The following PLCH1 variants were observed in gnomAD, a reference collection of about 807,000 sequenced individuals.
PLCH1 encodes the protein phospholipase C eta 1.
PLCH1 carries 60 observed loss-of-function variants against 126.7 expected under a neutral mutation model. That is an observed-to-expected ratio of 0.47 (90% CI 0.38 to 0.59). The LOEUF (loss-of-function observed/expected upper bound fraction) is 0.59. Ranked by LOEUF, PLCH1 falls within the 20% of genes least tolerant of loss-of-function variation. The pLI, the probability that PLCH1 is intolerant of heterozygous loss-of-function variation, is 0.00. For missense variants in PLCH1, 1,723 were observed against 2,040.0 expected (o/e 0.84, Z 2.99); for synonymous variants, 719 against 734.9 (o/e 0.98, Z 0.35).
At chr3:155,704,958 T>C (rs1746548282) in intron 1 of PLCH1, among the ~76,000 whole-genome samples, 1 of 152,108 alleles carries the variant, frequency 6.6e-6, no homozygotes, top group African/African-American at 2.4e-5. Flanking sequence ...AAAGCAGAGA[T>C]CTGAGTCGAT....
chr3:155,576,763 C>T lies in PLCH1; in HGVS notation c.771+6709G>A, dbSNP rs1050352148. Among the ~76,000 whole-genome samples the T allele has an allele frequency of 6.6e-5, 10 of 152,132 alleles. No homozygotes were observed. The South Asian group carries it at 8.3e-4, about 13-fold the overall frequency. ...AAAACCCCACGAAACTCTTGACTAA[C>T]GACTCTTTCTACACAGTTAGATTGT... is the stretch of plus-strand genomic sequence containing the variant. On this transcript the variant is annotated intron_variant, in intron 6 of 22. Coordinates refer to ENST00000460012, the MANE Select transcript of PLCH1 (RefSeq NM_014996.4).
chr3:155,714,094 A>G (rs1747339637), intron 1 of PLCH1, among the ~76,000 whole-genome samples: 1 of 152,238 alleles, frequency 6.6e-6, no homozygotes, highest in Non-Finnish European at 1.5e-5. Context: ...ATAGAAAAAC[A>G]GGTCTCAAAA....
chr3:155,451,233 A>G (rs1233565436), intron 21 of PLCH1, among the ~76,000 whole-genome samples: 1 of 152,218 alleles, frequency 6.6e-6, no homozygotes, highest in Non-Finnish European at 1.5e-5. Context: ...AGTAATAATT[A>G]CCTCAATCAA....
rs182778630 is a variant in PLCH1 at position 155,501,892 on chromosome 3, T to A, written c.1705-1098A>T. Reference sequence around the variant, plus strand: ...AAAATGCAGTGTCTACAAACAAAGGTAAGATGTTTAGACAGAGAACCCTGG... The same window carrying A: ...AAAATGCAGTGTCTACAAACAAAGGAAAGATGTTTAGACAGAGAACCCTGG... On this transcript the variant is annotated intron_variant, in intron 13 of 22. Transcript: ENST00000460012. Among the ~76,000 whole-genome samples, 23 of 152,168 alleles carry A rather than the reference T, an allele frequency of 1.5e-4. No individual in the cohort carries two copies. In the East Asian group the frequency reaches 4.4e-3, roughly 29 times the overall value.
chr3:155,534,607 G>A (rs1005931160), intron 10 of PLCH1, among the ~76,000 whole-genome samples: 1 of 152,154 alleles, frequency 6.6e-6, no homozygotes, highest in African/African-American at 2.4e-5. Context: ...TGAAATGTGA[G>A]GACATGAGAT....
At chr3:155,650,358 T>A (rs1046164876) in intron 2 of PLCH1, among the ~76,000 whole-genome samples, 6 of 152,126 alleles carry the variant, frequency 3.9e-5, no homozygotes, top group African/African-American at 1.4e-4. Flanking sequence ...TACAATAATC[T>A]AATAGTGTCA....
intron 2 of PLCH1, among the ~76,000 whole-genome samples, chr3:155,612,922 A>G (rs1195226481): frequency 6.0e-5 from 9 of 150,198 alleles, no homozygotes; most frequent in East Asian, 3.9e-4. Flanking sequence ...AAAAAAAAAA[A>G]AAAGAAAAGA....
chr3:155,579,199 A>T (rs1850850), intron 6 of PLCH1, among the ~76,000 whole-genome samples: 7,715 of 152,276 alleles, frequency 0.051, 242 homozygotes, highest in Middle Eastern at 0.1. Context: ...GTCTTTTGTT[A>T]TAAGTGCCTC....
At chr3:155,717,065 G>T (rs1747574142) in intron 1 of PLCH1, among the ~76,000 whole-genome samples, 1 of 152,238 alleles carries the variant, frequency 6.6e-6, no homozygotes, top group Non-Finnish European at 1.5e-5. Context: ...CCCCATGCAA[G>T]CTCAAAACCC....
At chr3:155,464,490 A>G (rs747268671) in intron 21 of PLCH1, among the ~76,000 whole-genome samples, 7 of 152,132 alleles carry the variant, frequency 4.6e-5, no homozygotes, top group Non-Finnish European at 1.0e-4. Context: ...CTAGGAAAGG[A>G]GTCAAATGAG....
chr3:155,705,106 G>T lies in PLCH1; in HGVS notation c.-40-842C>A, dbSNP rs188781562. On this transcript the variant is annotated intron_variant, in intron 1 of 22. Transcript: ENST00000460012. The stretch of plus-strand genomic sequence containing the variant: ...ATAAAGCCAGGCAAAACCAAGCAAG[G>T]CTGGCATGAAGCAAAACCCACAGGT... Among the ~76,000 whole-genome samples, 11 of 152,280 alleles carry T rather than the reference G, an allele frequency of 7.2e-5. No homozygotes were observed. In the East Asian group the frequency reaches 1.9e-3, roughly 27 times the overall value.
At chr3:155,540,104 G>C (rs1161007782) in intron 10 of PLCH1, among the ~76,000 whole-genome samples, 7 of 152,144 alleles carry the variant, frequency 4.6e-5, no homozygotes, top group African/African-American at 7.2e-5. Flanking sequence ...ACAGTGAACT[G>C]ATCTTTGACA....
chr3:155,511,851 A>C (rs1397380560), intron 12 of PLCH1, among the ~76,000 whole-genome samples: 1 of 151,936 alleles, frequency 6.6e-6, no homozygotes, highest in Non-Finnish European at 1.5e-5. Flanking sequence ...AGAGGCAGGC[A>C]GGCCTCCTTG....
At chr3:155,518,009 A>G (rs192718755) in intron 11 of PLCH1, among the ~76,000 whole-genome samples, 82 of 152,334 alleles carry the variant, frequency 5.4e-4, no homozygotes, top group Admixed American at 8.5e-4. Flanking sequence ...GCTGAAAACC[A>G]TGGATAGTCC....
intron 2 of PLCH1, among the ~76,000 whole-genome samples, chr3:155,598,733 T>TA (rs1396780649): frequency 6.6e-6 from 1 of 152,090 alleles, no homozygotes; most frequent in Non-Finnish European, 1.5e-5. Context: ...TCCTTATCTA[T>TA]AAAATGGGAA....
At chr3:155,454,765 G>C (rs980086334) in intron 21 of PLCH1, among the ~76,000 whole-genome samples, 1 of 152,158 alleles carries the variant, frequency 6.6e-6, no homozygotes, top group African/African-American at 2.4e-5. Flanking sequence ...AGAAGTCAAA[G>C]CTTTTTTTAA....
chr3:155,581,969 A>G (rs1730752034), intron 6 of PLCH1, among the ~76,000 whole-genome samples: 1 of 151,060 alleles, frequency 6.6e-6, no homozygotes, highest in Admixed American at 6.6e-5. Flanking sequence ...GGCTGGTCAG[A>G]ACTCCCGACC....
intron 2 of PLCH1, among the ~76,000 whole-genome samples, chr3:155,600,850 A>G (rs1361360565): frequency 2.6e-5 from 4 of 152,240 alleles, no homozygotes; most frequent in African/African-American, 9.6e-5. Context: ...CTAACAGAGT[A>G]GCATAAATAT....
intron 1 of PLCH1, among the ~76,000 whole-genome samples, chr3:155,732,419 G>GCTCA (rs1331169164): frequency 6.6e-6 from 1 of 151,850 alleles, no homozygotes; most frequent in East Asian, 1.9e-4. Flanking sequence ...GGGTGCAGTG[G>GCTCA]CTCACGCCTG....
Sources: gnomAD v4.1 joint callset for allele counts (sites outside exome capture counted in the v4.1 genomes callset) on GRCh38, gnomAD v4.1.1 for gene constraint, MANE v1.5 for transcripts, NCBI Gene and HGNC (gene_info 2026-07-23, HGNC 2026-07-21) for gene names.